IL1RAPL1: variants seen among roughly 807,000 people sequenced by gnomAD.
IL1RAPL1 encodes the protein interleukin 1 receptor accessory protein like 1.
Under a neutral mutation model 48.4 loss-of-function variants are expected in IL1RAPL1, and 3 were observed. The ratio of observed to expected loss-of-function variants is 0.06; its 90% CI spans 0.03 to 0.16. The LOEUF (loss-of-function observed/expected upper bound fraction) is 0.16. Ranked by LOEUF, IL1RAPL1 falls within the 10% of genes least tolerant of loss-of-function variation. The pLI, the probability that IL1RAPL1 is intolerant of heterozygous loss-of-function variation, is 1.00. For missense variants in IL1RAPL1, 349 were observed against 530.6 expected, an observed-to-expected ratio of 0.66 and a Z score of 3.36; for synonymous variants, 185 against 187.7, an observed-to-expected ratio of 0.99 and a Z score of 0.12.
At position 29,651,439 on chromosome X, in the gene IL1RAPL1, A is replaced by AT. The variant is rs375623135; in HGVS notation, c.704-16991_704-16990insT. ...TACACAATGAAATACTGTTTAGCCA[A>AT]AAAAAAATAAGAAATCTTGTCATTT... is the stretch of plus-strand genomic sequence containing the variant. On this transcript the variant is annotated intron_variant, in intron 5 of 10. Transcript: ENST00000378993. Among the ~76,000 whole-genome samples the AT allele has an allele frequency of 7.0e-3, 775 of 110,841 alleles. 5 individuals are homozygous for AT. Among genetic ancestry groups the AT allele is most frequent in the African/African-American group, 0.024 (749 of 30,635 alleles).
At chrX:29,727,169 A>G (rs1927794311) in intron 6 of IL1RAPL1, among the ~76,000 whole-genome samples, 1 of 112,378 alleles carries the variant, frequency 8.9e-6, no homozygotes, top group Admixed American at 9.4e-5. Flanking sequence ...TACAAAAAAA[A>G]GACACATTTA....
chrX:28,720,239 T>C (rs766487022), intron 1 of IL1RAPL1, among the ~76,000 whole-genome samples: 15 of 111,188 alleles, frequency 1.3e-4, no homozygotes, highest in Non-Finnish European at 2.8e-4. Context: ...TTGTCCAGCC[T>C]ACCCAGCTGC....
chrX:29,050,558 A>C (rs964650840), intron 2 of IL1RAPL1, among the ~76,000 whole-genome samples: 3 of 112,515 alleles, frequency 2.7e-5, no homozygotes, highest in African/African-American at 9.7e-5. Flanking sequence ...ACTGTGAAGC[A>C]GGAATGATCA....
intron 1 of IL1RAPL1, among the ~76,000 whole-genome samples, chrX:28,650,443 C>A (rs990894589): frequency 4.5e-5 from 5 of 111,478 alleles, no homozygotes; most frequent in African/African-American, 1.6e-4. Flanking sequence ...CATCAGATTT[C>A]ATGAGACTTC....
intron 2 of IL1RAPL1, among the ~76,000 whole-genome samples, chrX:28,863,797 G>A (rs1345876050): frequency 9.0e-6 from 1 of 111,532 alleles, no homozygotes; most frequent in African/African-American, 3.3e-5. Flanking sequence ...TTCTCTAATA[G>A]TAGATATGAA....
intron 4 of IL1RAPL1, among the ~76,000 whole-genome samples, chrX:29,397,770 T>G (rs1195972585): frequency 9.0e-6 from 1 of 111,364 alleles, no homozygotes; most frequent in Non-Finnish European, 1.9e-5. Flanking sequence ...TTTTTTTTCT[T>G]AGTACTCATG....
intron 3 of IL1RAPL1, among the ~76,000 whole-genome samples, chrX:29,311,166 TTTATC>T (rs972945224): frequency 8.9e-6 from 1 of 112,190 alleles, no homozygotes. Context: ...TTTGATTACT[TTTATC>T]TTATAATTAT....
In IL1RAPL1 at chrX:28,789,309, CT is replaced by C. The variant is rs1208040703; in HGVS notation, c.-24-8del. On this transcript the variant is annotated splice_polypyrimidine_tract_variant and intron_variant, in intron 1 of 10. Transcript: ENST00000378993. The stretch of plus-strand genomic sequence containing the variant: ...CATGTATGTTTTTCTTCTTTTTAAT[CT>C]TTGCTTTAGGGAACGGCCTTTAAGA... The C allele has an allele frequency of 6.7e-6, 7 of 1,040,036 alleles. No individual in the cohort carries two copies. In the South Asian group the frequency reaches 1.3e-4, roughly 20 times the overall value. The allele number at this position is 1,040,036 out of a possible 1,213,427, so 85.7% of individuals were successfully genotyped here. A position where few individuals can be genotyped will look rare whatever the true frequency, so the allele number is the denominator to read the frequency against.
rs781634327 is a variant in IL1RAPL1, at chrX:28,789,402, A to G, written c.59A>G (p.Lys20Arg). ...TACGCTACTTTTACTCAGAGTTTGA[A>G]GGTTGTGACCAAAAGAGGCTCCGGT... ...LLYATFTQSL[K>R]VVTKRGSADG... Residue 20 changes from lysine to arginine, a missense_variant, in exon 2 of 11, where the codon AAG becomes AGG. Transcript: ENST00000378993. The G allele has an allele frequency of 5.6e-5, 68 of 1,205,692 alleles. No individual in the cohort carries two copies. Among genetic ancestry groups the G allele is most frequent in the Non-Finnish European group, 7.3e-5 (65 of 891,169 alleles).
At chrX:28,761,376 TGTG>T (rs1226594330) in intron 1 of IL1RAPL1, among the ~76,000 whole-genome samples, 1 of 111,600 alleles carries the variant, frequency 9.0e-6, no homozygotes, top group Non-Finnish European at 1.9e-5. Flanking sequence ...ACAAAGAAAT[TGTG>T]GTACATATAC....
intron 5 of IL1RAPL1, among the ~76,000 whole-genome samples, chrX:29,444,551 T>C (rs1191822506): frequency 9.1e-6 from 1 of 109,492 alleles, no homozygotes; most frequent in African/African-American, 3.3e-5. Flanking sequence ...ATCACACTAA[T>C]ATAGGGAACC....
At position 29,491,418 on chromosome X, in the gene IL1RAPL1, T is replaced by G. The variant is rs1319115047; in HGVS notation, c.703+92110T>G. ...TATCAAACTTCTACTTCAGTATATG[T>G]CACCATTTTTACAGAAACAGAAAGT... On this transcript the variant is annotated intron_variant, in intron 5 of 10. Coordinates refer to ENST00000378993, the MANE Select transcript of IL1RAPL1 (RefSeq NM_014271.4). Among the ~76,000 whole-genome samples the G allele has an allele frequency of 5.3e-5, 6 of 112,639 alleles. No homozygotes were observed. In the East Asian group the frequency reaches 1.7e-3, roughly 31 times the overall value.
chrX:29,861,041 A>G (rs1172716574), intron 6 of IL1RAPL1, among the ~76,000 whole-genome samples: 1 of 112,312 alleles, frequency 8.9e-6, no homozygotes, highest in East Asian at 2.8e-4. Flanking sequence ...AAAGTTTCTA[A>G]AGAGCTCAGG....
intron 9 of IL1RAPL1, among the ~76,000 whole-genome samples, chrX:29,942,619 A>AT (rs748964603): frequency 0.035 from 3,596 of 102,044 alleles, 66 homozygotes; most frequent in Non-Finnish European, 0.055. Context: ...TTTCTTCATC[A>AT]TTTTTTTTTT....
intron 6 of IL1RAPL1, among the ~76,000 whole-genome samples, chrX:29,763,531 G>T (rs972691264): frequency 9.0e-6 from 1 of 111,376 alleles, no homozygotes; most frequent in African/African-American, 3.3e-5. Context: ...AACATTAAAT[G>T]TTTGTTTGAA....
intron 2 of IL1RAPL1, among the ~76,000 whole-genome samples, chrX:29,059,103 A>C (rs1015531543): frequency 1.8e-5 from 2 of 111,832 alleles, no homozygotes; most frequent in Non-Finnish European, 3.8e-5. Flanking sequence ...TCGGTGGTGG[A>C]AGGCTGCCAT....
intron 3 of IL1RAPL1, among the ~76,000 whole-genome samples, chrX:29,289,405 T>C (rs1932337105): frequency 8.9e-6 from 1 of 112,023 alleles, no homozygotes; most frequent in South Asian, 3.7e-4. Flanking sequence ...TGTAGGTTAA[T>C]TTCTGTGTTT....
At position 28,973,762 on chromosome X, in the gene IL1RAPL1, A is replaced by G. The variant is rs149908533; in HGVS notation, c.82+184337A>G. On this transcript the variant is annotated intron_variant, in intron 2 of 10. Transcript: ENST00000378993. ...TGTCTTTCCACATACTGATGTAGTA[A>G]CTGTGAGTGCCTTTAAAGCTCTTGT... Among the ~76,000 whole-genome samples the G allele has an allele frequency of 4.8e-3, 539 of 112,228 alleles. 6 individuals carry two copies. Among genetic ancestry groups the G allele is most frequent in the African/African-American group, 0.017 (515 of 30,926 alleles).
chrX:29,613,833 G>A (rs1267610414), intron 5 of IL1RAPL1, among the ~76,000 whole-genome samples: 5 of 98,359 alleles, frequency 5.1e-5, no homozygotes, highest in African/African-American at 3.8e-5. Flanking sequence ...GCGCAATCTC[G>A]GCTCACTGCA....
Sources: gnomAD v4.1 joint callset for allele counts (sites outside exome capture counted in the v4.1 genomes callset) on GRCh38, gnomAD v4.1.1 for gene constraint, MANE v1.5 for transcripts, NCBI Gene and HGNC (gene_info 2026-07-23, HGNC 2026-07-21) for gene names.